TLL1: variants seen among roughly 807,000 people sequenced by gnomAD.
The protein encoded by TLL1 is tolloid-like protein 1.
TLL1 carries 49 observed loss-of-function variants against 128.2 expected under a neutral mutation model. The observed-to-expected ratio is 0.38, with a 90% CI of 0.30 to 0.48. The LOEUF (loss-of-function observed/expected upper bound fraction) is 0.48. Among genes scored for constraint, TLL1 ranks in the 20% least tolerant of loss-of-function variants. The probability of loss-of-function intolerance (pLI) is 0.96; values close to 1 mark genes in which losing one functional copy is unlikely to be tolerated. For synonymous variants in TLL1, 454 were observed against 418.8 expected (o/e 1.08, Z -1.03); for missense variants, 1,123 against 1,242.0 (o/e 0.90, Z 1.44).
chr4:165,931,256 A>G (rs777122996), intron 1 of TLL1, among the ~76,000 whole-genome samples: 17 of 152,212 alleles, frequency 1.1e-4, no homozygotes, highest in Non-Finnish European at 1.6e-4. Flanking sequence ...GAATAGTTTT[A>G]ATAGCATAGG....
rs373269428 is a variant in TLL1 at position 165,873,894 on chromosome 4, G to T, written c.-11G>T. On this transcript the variant is annotated 5_prime_UTR_variant, in exon 1 of 21. Coordinates refer to ENST00000061240, the MANE Select transcript of TLL1 (RefSeq NM_012464.5). ...GGGTCCCGTCCCCTCCTTTTCCTCC[G>T]GGGGAGGAGGATGGGGTTGGGAACG... 6.2e-7 allele frequency: 1 copy of T among 1,613,384 alleles called. No individual in the cohort carries two copies. Among genetic ancestry groups the T allele is most frequent in the South Asian group, 1.1e-5 (1 of 91,036 alleles).
At chr4:165,925,353 T>C (rs1156304492) in intron 1 of TLL1, among the ~76,000 whole-genome samples, 2 of 152,266 alleles carry the variant, frequency 1.3e-5, no homozygotes, top group East Asian at 1.9e-4. Flanking sequence ...TTGGAAGAAG[T>C]TGATTCCAAC....
chr4:166,057,063 C>G, intron 13 of TLL1, 121 bp from the exon 14 acceptor site: 1 of 1,116,542 alleles, frequency 9.0e-7, no homozygotes, highest in Non-Finnish European at 1.3e-6. Context: ...TCTCATGACA[C>G]GTGAGAATTT....
At chr4:166,095,205 A>G (rs983754224) in intron 19 of TLL1, among the ~76,000 whole-genome samples, 8 of 152,108 alleles carry the variant, frequency 5.3e-5, no homozygotes, top group African/African-American at 1.7e-4. Flanking sequence ...GAATTTTTGA[A>G]CTAGGTGATT....
intron 1 of TLL1, among the ~76,000 whole-genome samples, chr4:165,978,270 TC>T (rs1735981486): frequency 6.6e-6 from 1 of 152,160 alleles, no homozygotes; most frequent in African/African-American, 2.4e-5. Flanking sequence ...GTTCATTGTT[TC>T]CAGGTTTTTT....
chr4:165,994,743 C>G (rs1736790631), intron 4 of TLL1, among the ~76,000 whole-genome samples: 2 of 152,108 alleles, frequency 1.3e-5, no homozygotes, highest in South Asian at 4.1e-4. Context: ...AAGCACTGTT[C>G]TGGTTTTTAA....
At chr4:166,041,658 C>A (rs987076446) in intron 10 of TLL1, among the ~76,000 whole-genome samples, 3 of 152,092 alleles carry the variant, frequency 2.0e-5, no homozygotes, top group Non-Finnish European at 4.4e-5. Context: ...AATTTGAAAC[C>A]ACTTTCTTAG....
intron 1 of TLL1, among the ~76,000 whole-genome samples, chr4:165,933,723 A>T (rs562114276): frequency 1.3e-5 from 2 of 152,162 alleles, no homozygotes; most frequent in East Asian, 1.9e-4. Context: ...TTCTGACAGG[A>T]CCACACCACC....
intron 1 of TLL1, among the ~76,000 whole-genome samples, chr4:165,895,918 C>T (rs78409109): frequency 0.019 from 2,955 of 152,046 alleles, 96 homozygotes; most frequent in African/African-American, 0.067. Flanking sequence ...GACAATTTGG[C>T]AGAGAAAGTA....
intron 19 of TLL1, among the ~76,000 whole-genome samples, chr4:166,094,313 C>T (rs2111161889): frequency 6.6e-6 from 1 of 152,158 alleles, no homozygotes; most frequent in African/African-American, 2.4e-5. Flanking sequence ...AGTGTACTTG[C>T]TACTATAGTA....
chr4:165,891,215 C>T (rs1731388116), intron 1 of TLL1, among the ~76,000 whole-genome samples: 1 of 152,160 alleles, frequency 6.6e-6, no homozygotes, highest in African/African-American at 2.4e-5. Flanking sequence ...ATGGGAGGGG[C>T]TGCCATGAAG....
Position 165,952,556 on chromosome 4 carries a change from A to C in TLL1, c.170-36825A>C, listed in dbSNP as rs138993751. On this transcript the variant is annotated intron_variant, in intron 1 of 20. Coordinates refer to ENST00000061240, the MANE Select transcript of TLL1 (RefSeq NM_012464.5). ...CTTAATAATTTCCCTTGCATCTCACAGATTTATTTTTAAGACTGATGAGAA... is the reference window on the plus strand; with the variant it reads ...CTTAATAATTTCCCTTGCATCTCACCGATTTATTTTTAAGACTGATGAGAA... 2.4e-3 allele frequency among the ~76,000 whole-genome samples: 359 copies of C among 152,266 alleles called. 3 individuals carry two copies. The highest frequency in any genetic ancestry group is 8.0e-3 in the African/African-American group (331 of 41,572).
intron 19 of TLL1, among the ~76,000 whole-genome samples, chr4:166,094,396 T>C (rs1741925027): frequency 6.6e-6 from 1 of 152,180 alleles, no homozygotes; most frequent in African/African-American, 2.4e-5. Context: ...TAGGTGAAGA[T>C]TGAATTCTTC....
At chr4:165,983,138 C>T (rs1343951740) in intron 1 of TLL1, among the ~76,000 whole-genome samples, 1 of 151,754 alleles carries the variant, frequency 6.6e-6, no homozygotes, top group Non-Finnish European at 1.5e-5. Flanking sequence ...GTTTCTGGAT[C>T]AAAGCACTTT....
At chr4:165,886,621 T>C (rs929556253) in intron 1 of TLL1, among the ~76,000 whole-genome samples, 13 of 152,294 alleles carry the variant, frequency 8.5e-5, no homozygotes, top group Admixed American at 7.2e-4. Flanking sequence ...ATATATAAAA[T>C]GGCATAGTAT....
chr4:166,007,263 T>G (rs1737482996), intron 6 of TLL1, among the ~76,000 whole-genome samples: 1 of 151,716 alleles, frequency 6.6e-6, no homozygotes, highest in Non-Finnish European at 1.5e-5. Flanking sequence ...GAAAAATCTG[T>G]TAAAAATGAA....
At chr4:165,961,468 A>G (rs1735097397) in intron 1 of TLL1, among the ~76,000 whole-genome samples, 1 of 152,182 alleles carries the variant, frequency 6.6e-6, no homozygotes, top group Non-Finnish European at 1.5e-5. Flanking sequence ...AGAAAAAACT[A>G]TTCTAAAATT....
intron 19 of TLL1, 93 bp from the exon 20 acceptor site, chr4:166,099,184 A>G (rs564230273): frequency 4.1e-5 from 64 of 1,573,526 alleles, no homozygotes; most frequent in Non-Finnish European, 4.4e-5. Flanking sequence ...GAAGTTAGAC[A>G]ATGGCTAGGC....
chr4:165,899,707 G>T (rs1427073403), intron 1 of TLL1, among the ~76,000 whole-genome samples: 1 of 152,106 alleles, frequency 6.6e-6, no homozygotes, highest in Non-Finnish European at 1.5e-5. Flanking sequence ...TGTTGATCTG[G>T]GGTGGAGAGT....
Sources: allele counts gnomAD v4.1 joint callset (sites outside exome capture counted in the v4.1 genomes callset), GRCh38; gene constraint gnomAD v4.1.1; transcripts MANE v1.5; gene names NCBI Gene and HGNC (gene_info 2026-07-23, HGNC 2026-07-21).